The following SLC25A26 variants were observed in gnomAD, a reference collection of about 807,000 sequenced individuals.
SLC25A26 encodes solute carrier family 25 member 26.
A neutral mutation model predicts 37.8 loss-of-function variants in SLC25A26; 36 were observed. That is an observed-to-expected ratio of 0.95 (90% CI 0.73 to 1.26). The LOEUF (loss-of-function observed/expected upper bound fraction) is 1.26, where lower values mean the gene tolerates loss of function less well. SLC25A26 is among the 50% of genes most tolerant of loss of function. SLC25A26 has a pLI of 0.00. For synonymous variants in SLC25A26, 129 were observed against 122.5 expected, an observed-to-expected ratio of 1.05 and a Z score of -0.35; for missense variants, 390 against 331.1, an observed-to-expected ratio of 1.18 and a Z score of -1.38.
intron 3 of SLC25A26, among the ~76,000 whole-genome samples, chr3:66,253,033 C>A (rs1256843232): frequency 6.7e-6 from 1 of 148,850 alleles, no homozygotes; most frequent in African/African-American, 2.5e-5. Flanking sequence ...GCCCCCCCCC[C>A]CCCATAAATA....
In SLC25A26 at chr3:66,373,959, G is replaced by A. The variant is rs145797485; in HGVS notation, c.707+3357G>A. Among the ~76,000 whole-genome samples, 1,246 of 152,152 alleles carry A rather than the reference G, an allele frequency of 8.2e-3. 6 individuals are homozygous for A. Among genetic ancestry groups the A allele is most frequent in the South Asian group, 0.017 (83 of 4,816 alleles). On this transcript the variant is annotated intron_variant, in intron 9 of 9. Coordinates refer to ENST00000354883, the MANE Select transcript of SLC25A26 (RefSeq NM_001379210.1). ...GTGCTGGGAGCAGCCTGCAGGGACC[G>A]TCTTCCTGCCATGTTTCTCTCCAGG... is the stretch of plus-strand genomic sequence containing the variant.
intron 6 of SLC25A26, chr3:66,356,000 A>G (rs972504391): frequency 1.1e-5 from 5 of 455,900 alleles, no homozygotes; most frequent in African/African-American, 1.0e-4. Flanking sequence ...CATGTATAAA[A>G]AGCATATAGT....
intron 5 of SLC25A26, among the ~76,000 whole-genome samples, chr3:66,337,593 A>G (rs1023033944): frequency 6.6e-5 from 10 of 152,080 alleles, no homozygotes; most frequent in African/African-American, 2.4e-4. Flanking sequence ...ACCCCCAGAA[A>G]TTAAAACCTA....
chr3:66,203,601 T>C (rs1415973598), intron 1 of SLC25A26, among the ~76,000 whole-genome samples: 1 of 152,226 alleles, frequency 6.6e-6, no homozygotes, highest in Non-Finnish European at 1.5e-5. Flanking sequence ...TAATGGGAGA[T>C]AAATGCTCAT....
At chr3:66,360,727 A>C (rs2076686919) in intron 6 of SLC25A26, among the ~76,000 whole-genome samples, 1 of 152,226 alleles carries the variant, frequency 6.6e-6, no homozygotes, top group African/African-American at 2.4e-5. Context: ...TATACTGAAA[A>C]CTAAGACAGT....
chr3:66,204,535 C>T (rs893349707), intron 1 of SLC25A26, among the ~76,000 whole-genome samples: 35 of 151,868 alleles, frequency 2.3e-4, no homozygotes, highest in Non-Finnish European at 3.8e-4. Flanking sequence ...TCATCAACTC[C>T]TGGAGGTTTA....
chr3:66,291,988 T>C (rs1420600521), intron 5 of SLC25A26, among the ~76,000 whole-genome samples: 2 of 152,228 alleles, frequency 1.3e-5, no homozygotes, highest in East Asian at 3.8e-4. Context: ...TGCTCCTGTA[T>C]TGGGTGCATA....
intron 1 of SLC25A26, among the ~76,000 whole-genome samples, chr3:66,146,143 C>G (rs1416640210): frequency 6.6e-6 from 1 of 151,974 alleles, no homozygotes; most frequent in African/African-American, 2.4e-5. Flanking sequence ...AGTTCAAGAC[C>G]AGCCTGGCCA....
chr3:66,139,488 C>A (rs1480722137), intron 1 of SLC25A26, among the ~76,000 whole-genome samples: 2 of 152,164 alleles, frequency 1.3e-5, no homozygotes, highest in African/African-American at 4.8e-5. Context: ...TCTTTGGGAA[C>A]AAGTTTCTTT....
intron 5 of SLC25A26, among the ~76,000 whole-genome samples, chr3:66,286,316 T>C (rs2074510718): frequency 6.6e-6 from 1 of 152,242 alleles, no homozygotes; most frequent in South Asian, 2.1e-4. Context: ...CTAAAAGTTT[T>C]ATAGCTCTAT....
intron 1 of SLC25A26, among the ~76,000 whole-genome samples, chr3:66,194,604 G>A (rs1400973404): frequency 6.6e-6 from 1 of 152,144 alleles, no homozygotes; most frequent in Non-Finnish European, 1.5e-5. Context: ...ATTCTGCAAG[G>A]ATGAAAACTC....
At chr3:66,138,860 T>C (rs188474737) in intron 1 of SLC25A26, among the ~76,000 whole-genome samples, 19 of 152,256 alleles carry the variant, frequency 1.2e-4, no homozygotes, top group Admixed American at 1.1e-3. Flanking sequence ...GTGTGATTAA[T>C]GTGAATAGTA....
chr3:66,223,496 C>T (rs953525998), intron 1 of SLC25A26, among the ~76,000 whole-genome samples: 5 of 152,058 alleles, frequency 3.3e-5, no homozygotes, highest in East Asian at 1.9e-4. Flanking sequence ...CAGAGTAGTA[C>T]GGAAATGGAG....
At position 66,242,832 on chromosome 3, in the gene SLC25A26, A is replaced by G. The variant is rs181133523; in HGVS notation, c.191-371A>G. Among the ~76,000 whole-genome samples, 278 of 152,364 alleles carry G rather than the reference A, an allele frequency of 1.8e-3. 3 individuals carry two copies. Among genetic ancestry groups the G allele is most frequent in the Admixed American group, 8.5e-3 (130 of 15,298 alleles). Reference sequence around the variant, plus strand: ...GCAATTTTAACCTGTTTATTCATCAATGTAGTTGATTGTTTTATGGCCATC... The same window carrying G: ...GCAATTTTAACCTGTTTATTCATCAGTGTAGTTGATTGTTTTATGGCCATC... On this transcript the variant is annotated intron_variant, in intron 2 of 9. Coordinates refer to ENST00000354883, the MANE Select transcript of SLC25A26 (RefSeq NM_001379210.1).
At chr3:66,187,711 C>A (rs1254430900) in intron 1 of SLC25A26, among the ~76,000 whole-genome samples, 7 of 151,644 alleles carry the variant, frequency 4.6e-5, no homozygotes, top group Admixed American at 2.6e-4. Context: ...ATAACCCCTA[C>A]ACTCACACAC....
intron 5 of SLC25A26, among the ~76,000 whole-genome samples, chr3:66,344,367 A>T (rs1439051817): frequency 1.3e-5 from 2 of 152,002 alleles, no homozygotes; most frequent in African/African-American, 4.8e-5. Context: ...GGAGGCTGAG[A>T]CAGGAGAATT....
chr3:66,369,463 G>T lies in SLC25A26; in HGVS notation c.569-15G>T, dbSNP rs1166978345. 1 of 1,596,516 alleles carries T rather than the reference G, an allele frequency of 6.3e-7. No individual in the cohort carries two copies. The highest frequency in any genetic ancestry group is 1.7e-5 in the Admixed American group (1 of 57,462). On this transcript the variant is annotated splice_polypyrimidine_tract_variant and intron_variant, in intron 7 of 9. Transcript: ENST00000354883. ...AAACAGGATCTCACTTGGGTGTTGG[G>T]TATTATTTGTACAGGTGGATTTGCC... is the stretch of plus-strand genomic sequence containing the variant.
intron 1 of SLC25A26, among the ~76,000 whole-genome samples, chr3:66,223,009 A>C (rs1322874921): frequency 6.6e-6 from 1 of 152,056 alleles, no homozygotes; most frequent in East Asian, 1.9e-4. Context: ...TGCATTCAGC[A>C]CACAATTTTT....
intron 1 of SLC25A26, among the ~76,000 whole-genome samples, chr3:66,155,864 A>G (rs894608083): frequency 6.6e-6 from 1 of 152,294 alleles, no homozygotes; most frequent in East Asian, 1.9e-4. Context: ...CTTCAGTTGC[A>G]TACAGGCTCC....
Sources: gnomAD v4.1 joint callset for allele counts (sites outside exome capture counted in the v4.1 genomes callset) on GRCh38, gnomAD v4.1.1 for gene constraint, MANE v1.5 for transcripts, NCBI Gene and HGNC (gene_info 2026-07-23, HGNC 2026-07-21) for gene names.